MARCHF1: variants seen among roughly 807,000 people sequenced by gnomAD.
The protein encoded by MARCHF1 is E3 ubiquitin-protein ligase MARCHF1.
MARCHF1 carries 40 observed loss-of-function variants against 54.2 expected under a neutral mutation model. The observed-to-expected ratio is 0.74, with a 90% CI of 0.57 to 0.96. The LOEUF (loss-of-function observed/expected upper bound fraction) is 0.96, where lower values mean the gene tolerates loss of function less well. Ranked by LOEUF, MARCHF1 falls within the 40% of genes least tolerant of loss-of-function variation. The pLI, the probability that MARCHF1 is intolerant of heterozygous loss-of-function variation, is 0.00. For synonymous variants in MARCHF1, 236 were observed against 236.3 expected (o/e 1.00, Z 0.01); for missense variants, 586 against 656.5 (o/e 0.89, Z 1.17).
chr4:164,064,387 T>C (rs1239065633), intron 2 of MARCHF1, among the ~76,000 whole-genome samples: 1 of 152,112 alleles, frequency 6.6e-6, no homozygotes, highest in African/African-American at 2.4e-5. Context: ...CCTGTATTCC[T>C]AGATATTTCA....
At chr4:163,850,933 T>C (rs1037574855) in intron 4 of MARCHF1, among the ~76,000 whole-genome samples, 1 of 152,168 alleles carries the variant, frequency 6.6e-6, no homozygotes, top group African/African-American at 2.4e-5. Context: ...GGCTGGCTTC[T>C]TCTAAAGCCC....
intron 3 of MARCHF1, among the ~76,000 whole-genome samples, chr4:163,859,367 T>A (rs551036260): frequency 6.9e-6 from 1 of 144,148 alleles, no homozygotes; most frequent in Admixed American, 6.9e-5. Flanking sequence ...GAGAAAAGCT[T>A]TTTTTTTTTT....
intron 1 of MARCHF1, among the ~76,000 whole-genome samples, chr4:164,379,278 G>A (rs1341331215): frequency 6.6e-6 from 1 of 151,974 alleles, no homozygotes; most frequent in East Asian, 1.9e-4. Flanking sequence ...TGGTGTAGAA[G>A]GTTAGTAAAC....
At chr4:164,077,132 C>CT (rs1277661048) in intron 2 of MARCHF1, among the ~76,000 whole-genome samples, 3 of 152,150 alleles carry the variant, frequency 2.0e-5, no homozygotes, top group Non-Finnish European at 4.4e-5. Flanking sequence ...TCAAACTATA[C>CT]TACAAGTTTA....
At chr4:163,895,967 T>C (rs1398207118) in intron 3 of MARCHF1, among the ~76,000 whole-genome samples, 1 of 152,142 alleles carries the variant, frequency 6.6e-6, no homozygotes, top group African/African-American at 2.4e-5. Context: ...CTAGCAAAAG[T>C]AGTTCAATTA....
chr4:164,143,021 G>C (rs985920666), intron 1 of MARCHF1, among the ~76,000 whole-genome samples: 1 of 150,100 alleles, frequency 6.7e-6, no homozygotes, highest in Non-Finnish European at 1.5e-5. Flanking sequence ...ACTAAGTGAA[G>C]AATGCAGAAG....
chr4:163,722,330 T>A (rs927993638), intron 4 of MARCHF1, among the ~76,000 whole-genome samples: 4 of 152,170 alleles, frequency 2.6e-5, no homozygotes, highest in Non-Finnish European at 4.4e-5. Context: ...TTCCATGTAG[T>A]TGAGCGGTTT....
chr4:164,259,207 A>G (rs1733379943), intron 1 of MARCHF1, among the ~76,000 whole-genome samples: 1 of 152,098 alleles, frequency 6.6e-6, no homozygotes, highest in African/African-American at 2.4e-5. Context: ...CACATCACCT[A>G]TCCATCAATA....
chr4:164,107,199 C>T (rs1755725389), intron 2 of MARCHF1, among the ~76,000 whole-genome samples: 4 of 151,970 alleles, frequency 2.6e-5, no homozygotes, highest in Admixed American at 2.6e-4. Flanking sequence ...TAGTTAGTGC[C>T]ATTTGTCATA....
chr4:163,560,869 C>T (rs1246546959), intron 8 of MARCHF1, among the ~76,000 whole-genome samples: 1 of 152,136 alleles, frequency 6.6e-6, no homozygotes, highest in South Asian at 2.1e-4. Flanking sequence ...ATTGAGCTTA[C>T]ATCCTGCAAT....
rs184841075 is a variant in MARCHF1 at position 163,671,019 on chromosome 4, C to T, written c.162+29794G>A. ...TCATTGATTTCACCTCTTCTGAGTT[C>T]ATTTGCTTGCTGCTTCAGCCCTTTC... On this transcript the variant is annotated intron_variant, in intron 5 of 9. Coordinates refer to ENST00000514618, the MANE Select transcript of MARCHF1 (RefSeq NM_001394959.1). 3.6e-3 allele frequency among the ~76,000 whole-genome samples: 552 copies of T among 152,282 alleles called. 3 individuals carry two copies. The highest frequency in any genetic ancestry group is 0.012 in the African/African-American group (511 of 41,560).
chr4:164,049,760 C>T (rs1297853677), intron 2 of MARCHF1, among the ~76,000 whole-genome samples: 1 of 152,160 alleles, frequency 6.6e-6, no homozygotes, highest in Non-Finnish European at 1.5e-5. Context: ...ATACTGCACA[C>T]ATGTATACAC....
intron 1 of MARCHF1, among the ~76,000 whole-genome samples, chr4:164,275,556 C>G (rs1199976738): frequency 2.0e-5 from 3 of 152,202 alleles, no homozygotes; most frequent in Non-Finnish European, 4.4e-5. Context: ...TTGACATAAA[C>G]TTGATAAATA....
At position 163,632,653 on chromosome 4, in the gene MARCHF1, G is replaced by A. The variant is rs569710500; in HGVS notation, c.163-19260C>T. Among the ~76,000 whole-genome samples the A allele has an allele frequency of 4.6e-5, 7 of 152,312 alleles. No homozygotes were observed. In the South Asian group the frequency reaches 6.2e-4, roughly 14 times the overall value. On this transcript the variant is annotated intron_variant, in intron 5 of 9. Transcript: ENST00000514618. ...GCAGTCTGAGATCAAACTGCAAGGCGGCAGCGAGGCTGGGGGAGGGGCGCC... is the reference window on the plus strand; with the variant it reads ...GCAGTCTGAGATCAAACTGCAAGGCAGCAGCGAGGCTGGGGGAGGGGCGCC...
intron 3 of MARCHF1, among the ~76,000 whole-genome samples, chr4:163,973,987 C>A (rs753781565): frequency 6.6e-6 from 1 of 152,206 alleles, no homozygotes; most frequent in Non-Finnish European, 1.5e-5. Context: ...TGGAATCACA[C>A]TGCCTGAGTT....
At chr4:163,560,108 T>C (rs1336899910) in intron 8 of MARCHF1, among the ~76,000 whole-genome samples, 1 of 152,236 alleles carries the variant, frequency 6.6e-6, no homozygotes, top group East Asian at 1.9e-4. Context: ...TTTGTTCTTT[T>C]GTTTCTTGCT....
chr4:164,343,153 A>C (rs1729977103), intron 1 of MARCHF1, among the ~76,000 whole-genome samples: 1 of 152,176 alleles, frequency 6.6e-6, no homozygotes, highest in Admixed American at 6.5e-5. Context: ...CACACATTGA[A>C]AAAAGTGGTA....
At chr4:164,311,810 G>A (rs1734856664) in intron 1 of MARCHF1, among the ~76,000 whole-genome samples, 1 of 152,100 alleles carries the variant, frequency 6.6e-6, no homozygotes. Flanking sequence ...TTGTAACATT[G>A]CATATGCACC....
At chr4:164,215,708 A>C (rs1731911218) in intron 1 of MARCHF1, among the ~76,000 whole-genome samples, 1 of 152,196 alleles carries the variant, frequency 6.6e-6, no homozygotes, top group Admixed American at 6.5e-5. Flanking sequence ...AATTTAAAAG[A>C]TTTAGGAGGG....
Sources: gnomAD v4.1 joint callset for allele counts (sites outside exome capture counted in the v4.1 genomes callset) on GRCh38, gnomAD v4.1.1 for gene constraint, MANE v1.5 for transcripts, NCBI Gene and HGNC (gene_info 2026-07-23, HGNC 2026-07-21) for gene names.